Variants in FAR2 observed in about 807,000 individuals in gnomAD.
FAR2 encodes fatty acyl-CoA reductase 2, also known as epididymis secretory protein Li 81.
A neutral mutation model predicts 56.0 loss-of-function variants in FAR2; 19 were observed. The observed-to-expected ratio is 0.34, with a 90% CI of 0.24 to 0.50. The LOEUF is 0.50. Ranked by LOEUF, FAR2 falls within the 20% of genes least tolerant of loss-of-function variation. The pLI is 0.98. For synonymous variants in FAR2, 219 were observed against 218.8 expected (o/e 1.00, Z -0.01); for missense variants, 508 against 642.2 (o/e 0.79, Z 2.26).
chr12:29,249,999 G>A (rs1948181885), intron 1 of FAR2, among the ~76,000 whole-genome samples: 1 of 152,152 alleles, frequency 6.6e-6, no homozygotes, highest in Admixed American at 6.5e-5. Context: ...TCTTTAGAAA[G>A]TTTTCCAAGT....
chr12:29,194,886 G>T (rs1950132655), intron 1 of FAR2, among the ~76,000 whole-genome samples: 1 of 152,152 alleles, frequency 6.6e-6, no homozygotes, highest in South Asian at 2.1e-4. Flanking sequence ...ATTGCACAGG[G>T]TGTTCAGATT....
chr12:29,311,418 C>T (rs1949349438), intron 7 of FAR2, among the ~76,000 whole-genome samples: 1 of 151,910 alleles, frequency 6.6e-6, no homozygotes, highest in South Asian at 2.1e-4. Flanking sequence ...TCTTTCTATT[C>T]AGTAGTCTAA....
At chr12:29,244,395 C>T (rs1208754915) in intron 1 of FAR2, among the ~76,000 whole-genome samples, 1 of 152,102 alleles carries the variant, frequency 6.6e-6, no homozygotes, top group East Asian at 1.9e-4. Flanking sequence ...TAAATTTCTT[C>T]CAGTGATTTA....
chr12:29,279,009 AG>A (rs1367105601), intron 2 of FAR2, among the ~76,000 whole-genome samples: 2 of 152,232 alleles, frequency 1.3e-5, no homozygotes, highest in African/African-American at 4.8e-5. Context: ...AAAAGCAAAA[AG>A]CTTATTAATT....
At chr12:29,290,318 T>C (rs1327331675) in intron 2 of FAR2, among the ~76,000 whole-genome samples, 1 of 151,860 alleles carries the variant, frequency 6.6e-6, no homozygotes, top group Non-Finnish European at 1.5e-5. Flanking sequence ...TGGTGGTGCA[T>C]ACTTGTAATC....
intron 4 of FAR2, among the ~76,000 whole-genome samples, chr12:29,298,153 T>A (rs1453514060): frequency 6.6e-6 from 1 of 152,040 alleles, no homozygotes; most frequent in Non-Finnish European, 1.5e-5. Context: ...TGTCCTAGGA[T>A]GCAAGAGAAA....
rs547059351 is a variant in FAR2 at position 29,269,240 on chromosome 12, G to A, written c.-38-1172G>A. Among the ~76,000 whole-genome samples, 403 of 152,202 alleles carry A rather than the reference G, an allele frequency of 2.6e-3. 3 individuals carry two copies. The highest frequency in any genetic ancestry group is 7.0e-3 in the African/African-American group (290 of 41,524). ...CGTTCATAGGCCTATACCTCCAGGC[G>A]CGTATTCTCCTTCTCAGGGATGTTC... is the stretch of plus-strand genomic sequence containing the variant. On this transcript the variant is annotated intron_variant, in intron 1 of 11. Coordinates refer to ENST00000536681, the MANE Select transcript of FAR2 (RefSeq NM_001271783.2).
chr12:29,276,387 C>T (rs895695831), intron 2 of FAR2, among the ~76,000 whole-genome samples: 12 of 152,036 alleles, frequency 7.9e-5, no homozygotes, highest in South Asian at 2.1e-4. Context: ...AACACATCTA[C>T]GGTAGATCAC....
At chr12:29,182,894 C>T (rs1376211596) in intron 1 of FAR2, among the ~76,000 whole-genome samples, 4 of 151,982 alleles carry the variant, frequency 2.6e-5, no homozygotes, top group Non-Finnish European at 4.4e-5. Context: ...TCATCTCTGC[C>T]CCTTCAGGAG....
chr12:29,168,461 T>C (rs1283368363), intron 1 of FAR2, among the ~76,000 whole-genome samples: 1 of 152,232 alleles, frequency 6.6e-6, no homozygotes, highest in Non-Finnish European at 1.5e-5. Flanking sequence ...AAGAACAGGC[T>C]CAGAAAGAAA....
intron 2 of FAR2, among the ~76,000 whole-genome samples, chr12:29,286,119 C>A (rs1163802960): frequency 6.6e-6 from 1 of 151,818 alleles, no homozygotes; most frequent in Admixed American, 6.6e-5. Context: ...GCTTTCTGAT[C>A]AGCAGTTTTT....
chr12:29,260,893 G>GT (rs1377720730), intron 1 of FAR2, among the ~76,000 whole-genome samples: 1 of 152,200 alleles, frequency 6.6e-6, no homozygotes, highest in Non-Finnish European at 1.5e-5. Flanking sequence ...CACCAAGGCA[G>GT]TACCTTCATG....
chr12:29,265,686 C>G (rs888860348), intron 1 of FAR2, among the ~76,000 whole-genome samples: 2 of 152,094 alleles, frequency 1.3e-5, no homozygotes, highest in African/African-American at 4.8e-5. Context: ...AGTTTAAATG[C>G]TTCTGTACAG....
At chr12:29,152,397 G>A (rs189003966) in intron 1 of FAR2, among the ~76,000 whole-genome samples, 53 of 152,288 alleles carry the variant, frequency 3.5e-4, no homozygotes, top group Non-Finnish European at 6.2e-4. Context: ...CTCTTAAAGA[G>A]GAACTGAGAA....
chr12:29,323,344 C>G (rs1313155715), intron 10 of FAR2, among the ~76,000 whole-genome samples: 1 of 152,236 alleles, frequency 6.6e-6, no homozygotes, highest in Non-Finnish European at 1.5e-5. Context: ...AAACAAAAGA[C>G]AGCAATAACC....
At chr12:29,233,462 A>G (rs1947890679) in intron 1 of FAR2, among the ~76,000 whole-genome samples, 1 of 152,164 alleles carries the variant, frequency 6.6e-6, no homozygotes, top group Admixed American at 6.6e-5. Flanking sequence ...TGCTACCTCA[A>G]AAGAAAATAG....
chr12:29,184,521 G>A (rs940784991), intron 1 of FAR2, among the ~76,000 whole-genome samples: 13 of 128,270 alleles, frequency 1.0e-4, no homozygotes, highest in South Asian at 8.0e-4. Flanking sequence ...TGCAACCTCC[G>A]CTTCCCAGGT....
chr12:29,181,443 A>G (rs965269344), intron 1 of FAR2, among the ~76,000 whole-genome samples: 2 of 152,230 alleles, frequency 1.3e-5, no homozygotes, highest in African/African-American at 2.4e-5. Flanking sequence ...TAAAATTATC[A>G]AAACAACAGC....
At chr12:29,258,756 C>G (rs1948370057) in intron 1 of FAR2, among the ~76,000 whole-genome samples, 1 of 152,184 alleles carries the variant, frequency 6.6e-6, no homozygotes, top group Non-Finnish European at 1.5e-5. Context: ...TCAGCTGACC[C>G]TATGCTGGCT....
Sources: allele counts gnomAD v4.1 joint callset (sites outside exome capture counted in the v4.1 genomes callset), GRCh38; gene constraint gnomAD v4.1.1; transcripts MANE v1.5; gene names NCBI Gene and HGNC (gene_info 2026-07-23, HGNC 2026-07-21).